The following EPHA5 variants were observed in gnomAD, a reference collection of about 807,000 sequenced individuals.
EPHA5 encodes ephrin type-A receptor 5.
EPHA5 carries 60 observed loss-of-function variants against 105.0 expected under a neutral mutation model. The ratio of observed to expected loss-of-function variants is 0.57; its 90% CI spans 0.46 to 0.71. The LOEUF is 0.71. EPHA5 is among the 30% of genes least tolerant of loss of function. EPHA5 has a pLI of 0.00. For synonymous variants in EPHA5, 513 were observed against 449.1 expected (o/e 1.14, Z -1.80); for missense variants, 1,218 against 1,274.7 (o/e 0.96, Z 0.68).
chr4:65,631,177 CT>C (rs1746598100), intron 2 of EPHA5, among the ~76,000 whole-genome samples: 1 of 152,102 alleles, frequency 6.6e-6, no homozygotes, highest in African/African-American at 2.4e-5. Context: ...CTTTAGTCTG[CT>C]TTTGATAAAC....
At chr4:65,558,693 C>A (rs1177592059) in intron 3 of EPHA5, among the ~76,000 whole-genome samples, 1 of 152,038 alleles carries the variant, frequency 6.6e-6, no homozygotes, top group Non-Finnish European at 1.5e-5. Context: ...CCTCCCTCCT[C>A]CCCGCACCCC....
At position 65,465,518 on chromosome 4, in the gene EPHA5, A is replaced by G. The variant is rs192548076; in HGVS notation, c.1402+24859T>C. ...AAGAAAGAAAGAAAGAAAGAAAGAA[A>G]GAAAGAAAGAAAAGAAAGGAAAGGA... On this transcript the variant is annotated intron_variant, in intron 5 of 16. Coordinates refer to ENST00000613740, the MANE Select transcript of EPHA5 (RefSeq NM_001281766.3). Among the ~76,000 whole-genome samples, 1,050 of 117,304 alleles carry G rather than the reference A, an allele frequency of 9.0e-3. 21 individuals are homozygous for G. The highest frequency in any genetic ancestry group is 0.013 in the Non-Finnish European group (708 of 53,882). 77.0% of individuals were successfully genotyped at this position (117,304 alleles called of 152,430 possible).
At chr4:65,604,981 G>C (rs1480749727) in intron 2 of EPHA5, among the ~76,000 whole-genome samples, 1 of 152,188 alleles carries the variant, frequency 6.6e-6, no homozygotes, top group African/African-American at 2.4e-5. Flanking sequence ...TGGAAGCATG[G>C]ATTGCTGAAT....
chr4:65,508,595 C>T (rs1054961759), intron 3 of EPHA5, among the ~76,000 whole-genome samples: 3 of 151,864 alleles, frequency 2.0e-5, no homozygotes, highest in Non-Finnish European at 4.4e-5. Context: ...AGAATAAAAC[C>T]ATTACATGTA....
rs149829835 is a variant in EPHA5 at position 65,382,766 on chromosome 4, C to T, written c.1794-15342G>A. 4.9e-3 allele frequency among the ~76,000 whole-genome samples: 738 copies of T among 151,730 alleles called. 11 individuals carry two copies. The highest frequency in any genetic ancestry group is 0.017 in the African/African-American group (686 of 41,496). ...GTGGAACTCAAACATCATTATTTTT[C>T]AAAATCTGTAAGTTGATTCTAAATT... is the stretch of plus-strand genomic sequence containing the variant. On this transcript the variant is annotated intron_variant, in intron 8 of 16. Coordinates refer to ENST00000613740, the MANE Select transcript of EPHA5 (RefSeq NM_001281766.3).
rs761887389 is a variant in EPHA5 at position 65,414,297 on chromosome 4, T to G, written c.1674A>C (p.Glu558Asp). The G allele has an allele frequency of 1.2e-6, 2 of 1,613,860 alleles. No homozygotes were observed. The highest frequency in any genetic ancestry group is 8.5e-7 in the Non-Finnish European group (1 of 1,179,852). ...YGVFSRRFEFETTPVSVAASS... is the reference protein window; with the variant it reads ...YGVFSRRFEFDTTPVSVAASS... Reference sequence around the variant, plus strand: ...AAAATGACTTACACACTGGGGTGGTTTCAAACTCAAATCTTCGACTGAAGA... The same window carrying G: ...AAAATGACTTACACACTGGGGTGGTGTCAAACTCAAATCTTCGACTGAAGA... Residue 558 changes from glutamate (E) to aspartate (D), a missense_variant, in exon 7 of 17, where the codon GAA becomes GAC. Around this residue, in one of 3 missense-constraint regions of EPHA5, gnomAD observed 971 missense variants for 1,013.5 expected, o/e 0.96. Transcript: ENST00000613740.
At chr4:65,540,314 T>G (rs547051246) in intron 3 of EPHA5, among the ~76,000 whole-genome samples, 112 of 151,656 alleles carry the variant, frequency 7.4e-4, no homozygotes, top group African/African-American at 2.6e-3. Flanking sequence ...TCTTTTGTAT[T>G]GTATGCTTTA....
At chr4:65,588,563 G>A (rs747967692) in intron 3 of EPHA5, among the ~76,000 whole-genome samples, 19 of 152,060 alleles carry the variant, frequency 1.2e-4, no homozygotes, top group East Asian at 3.9e-4. Context: ...ACCAGAAGTC[G>A]GATTTTTCAC....
chr4:65,417,523 C>T (rs970220287), intron 6 of EPHA5, among the ~76,000 whole-genome samples: 1 of 151,910 alleles, frequency 6.6e-6, no homozygotes, highest in African/African-American at 2.4e-5. Context: ...TCACTTCCAC[C>T]AATATATTAT....
chr4:65,464,150 A>G (rs1314711220), intron 5 of EPHA5, among the ~76,000 whole-genome samples: 2 of 152,036 alleles, frequency 1.3e-5, no homozygotes, highest in African/African-American at 2.4e-5. Flanking sequence ...CCAAGCATGT[A>G]CAAAATAAAG....
At chr4:65,520,357 C>T (rs1734567404) in intron 3 of EPHA5, among the ~76,000 whole-genome samples, 1 of 152,144 alleles carries the variant, frequency 6.6e-6, no homozygotes, top group South Asian at 2.1e-4. Context: ...CCCTTCCTTA[C>T]ACCTTATACA....
At chr4:65,615,709 A>T (rs1418717621) in intron 2 of EPHA5, among the ~76,000 whole-genome samples, 1 of 151,878 alleles carries the variant, frequency 6.6e-6, no homozygotes, top group African/African-American at 2.4e-5. Context: ...CATCAGGGAA[A>T]CTCAAATTAA....
intron 16 of EPHA5, among the ~76,000 whole-genome samples, chr4:65,325,205 T>C (rs1014988752): frequency 1.3e-4 from 19 of 151,428 alleles, no homozygotes; most frequent in African/African-American, 4.6e-4. Context: ...GTGTGTGTTT[T>C]AATTCAAGAT....
At position 65,323,771 on chromosome 4, in the gene EPHA5, G is replaced by T. The variant is rs1014335432; in HGVS notation, c.*343C>A. The stretch of plus-strand genomic sequence containing the variant: ...TAGATCCCTGGAAGTTTTGAAAGGG[G>T]TTGCCTTAATTCAGTCTATAAAAGT... On this transcript the variant is annotated 3_prime_UTR_variant, in exon 17 of 17. Coordinates refer to ENST00000613740, the MANE Select transcript of EPHA5 (RefSeq NM_001281766.3). 3 of 233,788 alleles carry T rather than the reference G, an allele frequency of 1.3e-5. No homozygotes were observed. The highest frequency in any genetic ancestry group is 6.6e-5 in the African/African-American group (3 of 45,250). 14.5% of individuals were successfully genotyped at this position (233,788 alleles called of 1,614,324 possible). A position where few individuals can be genotyped will look rare whatever the true frequency, so the allele number is the denominator to read the frequency against.
rs1719764453 is a variant in EPHA5, at chr4:65,323,051, T to C, written c.*1063A>G. 1 of 228,964 alleles carries C rather than the reference T, an allele frequency of 4.4e-6. No homozygotes were observed. The highest frequency in any genetic ancestry group is 8.7e-6 in the Non-Finnish European group (1 of 115,394). 14.2% of individuals were successfully genotyped at this position (228,964 alleles called of 1,614,324 possible). A position where few individuals can be genotyped will look rare whatever the true frequency, so the allele number is the denominator to read the frequency against. ...TGTGCCCTTCGGTGTCAACTTTGCT[T>C]GACAAGATACTTTTCAGGACTCAGA... On this transcript the variant is annotated 3_prime_UTR_variant, in exon 17 of 17. Transcript: ENST00000613740.
intron 2 of EPHA5, among the ~76,000 whole-genome samples, chr4:65,602,721 A>G (rs1348970154): frequency 6.6e-6 from 1 of 152,138 alleles, no homozygotes; most frequent in Non-Finnish European, 1.5e-5. Flanking sequence ...AAGAAATGCA[A>G]TTAAAAAAAT....
Position 65,442,919 on chromosome 4 carries a change from T to A in EPHA5, c.1403-22354A>T, listed in dbSNP as rs147804118. Among the ~76,000 whole-genome samples, 623 of 152,274 alleles carry A rather than the reference T, an allele frequency of 4.1e-3. 7 individuals carry two copies. Among genetic ancestry groups the A allele is most frequent in the African/African-American group, 0.015 (604 of 41,568 alleles). ...ACTGCCTAACACTTGAGATGACAAC[T>A]CTAAAGTCTCAGATCTTTACTAAGT... On this transcript the variant is annotated intron_variant, in intron 5 of 16. Transcript: ENST00000613740.
chr4:65,632,422 T>C (rs1746730462), intron 2 of EPHA5, among the ~76,000 whole-genome samples: 1 of 151,644 alleles, frequency 6.6e-6, no homozygotes, highest in Admixed American at 6.6e-5. Flanking sequence ...GCATAAGCAC[T>C]GTTGGTAAAA....
chr4:65,498,377 G>A (rs1416685773), intron 3 of EPHA5, among the ~76,000 whole-genome samples: 1 of 151,886 alleles, frequency 6.6e-6, no homozygotes, highest in African/African-American at 2.4e-5. Context: ...AATGAAAATT[G>A]TATATTTTCA....
Sources: allele counts gnomAD v4.1 joint callset (sites outside exome capture counted in the v4.1 genomes callset), GRCh38; gene constraint gnomAD v4.1.1; regional missense constraint gnomAD v4.1.1; transcripts MANE v1.5; gene names NCBI Gene and HGNC (gene_info 2026-07-23, HGNC 2026-07-21).